Variants in CADM2 observed in about 807,000 individuals in gnomAD.
CADM2 encodes cell adhesion molecule 2, also known as immunoglobulin superfamily member 4D.
CADM2 carries 12 observed loss-of-function variants against 49.8 expected under a neutral mutation model. That is an observed-to-expected ratio of 0.24 (90% CI 0.15 to 0.39). The LOEUF (loss-of-function observed/expected upper bound fraction) is 0.39. Ranked by LOEUF, CADM2 falls within the 10% of genes least tolerant of loss-of-function variation. The probability of loss-of-function intolerance (pLI) is 1.00; values close to 1 mark genes in which losing one functional copy is unlikely to be tolerated. For synonymous variants in CADM2, 214 were observed against 175.4 expected (o/e 1.22, Z -1.74); for missense variants, 378 against 492.3 (o/e 0.77, Z 2.20).
chr3:85,534,823 A>AGT (rs2061391460), intron 1 of CADM2, among the ~76,000 whole-genome samples: 1 of 152,120 alleles, frequency 6.6e-6, no homozygotes, highest in Non-Finnish European at 1.5e-5. Flanking sequence ...CTCTCTTTGC[A>AGT]GTGTGCTAGC....
chr3:85,012,200 A>T (rs1189402376), intron 1 of CADM2, among the ~76,000 whole-genome samples: 1 of 151,700 alleles, frequency 6.6e-6, no homozygotes, highest in Non-Finnish European at 1.5e-5. Context: ...GGCAGCTTTT[A>T]AAAATGGTGG....
chr3:85,508,835 GTA>G (rs1443299702), intron 1 of CADM2, among the ~76,000 whole-genome samples: 27 of 53,114 alleles, frequency 5.1e-4, no homozygotes, highest in African/African-American at 1.3e-3. Context: ...CTCTGTGTGT[GTA>G]TGTGTGTGTG....
intron 8 of CADM2, among the ~76,000 whole-genome samples, chr3:85,976,612 G>A (rs1263431201): frequency 1.3e-5 from 2 of 151,352 alleles, no homozygotes; most frequent in East Asian, 3.9e-4. Context: ...AAAACACATA[G>A]AACAAAATGA....
intron 1 of CADM2, among the ~76,000 whole-genome samples, chr3:85,102,484 A>T (rs1422848321): frequency 6.6e-6 from 1 of 152,160 alleles, no homozygotes; most frequent in Admixed American, 6.6e-5. Context: ...CCTCTAGCTG[A>T]TCTTGGAATT....
rs182185999 is a variant in CADM2 at position 85,884,193 on chromosome 3, A to G, written c.391+750A>G. Among the ~76,000 whole-genome samples the G allele has an allele frequency of 2.3e-4, 35 of 152,334 alleles. 1 individual carries two copies. In the East Asian group the frequency reaches 6.6e-3, roughly 29 times the overall value. On this transcript the variant is annotated intron_variant, in intron 4 of 9. Transcript: ENST00000383699. ...CAATCAGCTGAAATTGCTGCATTTC[A>G]TTGAAACACACCTGCGTGCTGAACA...
chr3:85,025,243 T>G (rs1253800165), intron 1 of CADM2, among the ~76,000 whole-genome samples: 4 of 152,180 alleles, frequency 2.6e-5, no homozygotes, highest in African/African-American at 7.2e-5. Flanking sequence ...TGGTTTATAT[T>G]ATTTGTAATC....
intron 1 of CADM2, among the ~76,000 whole-genome samples, chr3:85,491,366 T>C (rs2039661649): frequency 6.6e-6 from 1 of 152,142 alleles, no homozygotes; most frequent in Non-Finnish European, 1.5e-5. Flanking sequence ...AGGGAGTTGT[T>C]TGGTTTGGTT....
intron 1 of CADM2, among the ~76,000 whole-genome samples, chr3:85,295,154 A>G (rs894898175): frequency 2.0e-5 from 3 of 152,242 alleles, no homozygotes; most frequent in African/African-American, 2.4e-5. Flanking sequence ...ACTTCTCAAA[A>G]GAAGCCATTT....
rs200546532 is a variant in CADM2 at position 85,089,472 on chromosome 3, G to T, written c.61+129804G>T. ...CTCAGTGCCTGTTTTCCACCAGATTGTGTCCAAGTTTAGCAGTTTAGTCCA... is the reference window on the plus strand; with the variant it reads ...CTCAGTGCCTGTTTTCCACCAGATTTTGTCCAAGTTTAGCAGTTTAGTCCA... On this transcript the variant is annotated intron_variant, in intron 1 of 9. Transcript: ENST00000383699. Among the ~76,000 whole-genome samples, 21 of 152,172 alleles carry T rather than the reference G, an allele frequency of 1.4e-4. No individual in the cohort carries two copies. The East Asian group carries it at 4.1e-3, about 29-fold the overall frequency.
chr3:84,977,407 G>A (rs932898771), intron 1 of CADM2, among the ~76,000 whole-genome samples: 1 of 152,004 alleles, frequency 6.6e-6, no homozygotes, highest in Non-Finnish European at 1.5e-5. Flanking sequence ...AAGCACATAT[G>A]ACCAGAAATA....
chr3:85,819,888 G>A (rs1401971684), intron 3 of CADM2, among the ~76,000 whole-genome samples: 1 of 152,078 alleles, frequency 6.6e-6, no homozygotes, highest in Non-Finnish European at 1.5e-5. Context: ...ATAAATGAGT[G>A]AACATATGGT....
intron 3 of CADM2, among the ~76,000 whole-genome samples, chr3:85,865,113 C>T (rs1256647463): frequency 6.6e-6 from 1 of 152,170 alleles, no homozygotes; most frequent in Non-Finnish European, 1.5e-5. Context: ...TGCTACAGGC[C>T]TGCAAGCTGT....
intron 1 of CADM2, among the ~76,000 whole-genome samples, chr3:85,245,849 G>C (rs1256437798): frequency 6.6e-6 from 1 of 152,188 alleles, no homozygotes; most frequent in Non-Finnish European, 1.5e-5. Context: ...AGTCACACAA[G>C]ACAGGTGTTA....
intron 1 of CADM2, among the ~76,000 whole-genome samples, chr3:85,571,481 G>A (rs999980336): frequency 2.0e-5 from 3 of 151,828 alleles, no homozygotes; most frequent in Non-Finnish European, 2.9e-5. Context: ...GTGTGCACAC[G>A]CATGTGCACA....
intron 1 of CADM2, among the ~76,000 whole-genome samples, chr3:85,634,755 T>A (rs2064410230): frequency 6.6e-6 from 1 of 152,130 alleles, no homozygotes; most frequent in African/African-American, 2.4e-5. Context: ...TCATTTTAGA[T>A]GCAAATTTCT....
chr3:85,707,804 A>T (rs2066997813), intron 1 of CADM2, among the ~76,000 whole-genome samples: 1 of 152,188 alleles, frequency 6.6e-6, no homozygotes. Context: ...TCTTTCTAAC[A>T]GCATGTACTT....
At position 85,710,321 on chromosome 3, in the gene CADM2, C is replaced by T. The variant is rs182205997; in HGVS notation, c.62-16201C>T. 7.4e-4 allele frequency among the ~76,000 whole-genome samples: 113 copies of T among 152,210 alleles called. 2 individuals carry two copies. The highest frequency in any genetic ancestry group is 5.3e-4 in the Non-Finnish European group (36 of 67,974). On this transcript the variant is annotated intron_variant, in intron 1 of 9. Coordinates refer to ENST00000383699, the MANE Select transcript of CADM2 (RefSeq NM_001167675.2). ...AGCTTTTCTTATGTGTGGAAATGAT[C>T]TTTCTAAAACGTTACACTTATGTTC...
chr3:85,345,048 G>A (rs890201028), intron 1 of CADM2, among the ~76,000 whole-genome samples: 2 of 151,766 alleles, frequency 1.3e-5, no homozygotes, highest in Middle Eastern at 3.2e-3. Flanking sequence ...GAAGATAACC[G>A]GGCTCATGCC....
At chr3:85,898,068 T>C (rs1262269940) in intron 5 of CADM2, among the ~76,000 whole-genome samples, 1 of 152,164 alleles carries the variant, frequency 6.6e-6, no homozygotes, top group Non-Finnish European at 1.5e-5. Flanking sequence ...AATGTGGGTA[T>C]GTATATCTGT....
Sources: gnomAD v4.1 joint callset for allele counts (sites outside exome capture counted in the v4.1 genomes callset) on GRCh38, gnomAD v4.1.1 for gene constraint, MANE v1.5 for transcripts, NCBI Gene and HGNC (gene_info 2026-07-23, HGNC 2026-07-21) for gene names.